TMEM30A: variants seen among roughly 807,000 people sequenced by gnomAD.
TMEM30A encodes cell cycle control protein 50A.
TMEM30A carries 24 observed loss-of-function variants against 38.2 expected under a neutral mutation model. The observed-to-expected ratio is 0.63, with a 90% CI of 0.46 to 0.88. TMEM30A has a LOEUF of 0.88. Ranked by LOEUF, TMEM30A falls within the 40% of genes least tolerant of loss-of-function variation. TMEM30A has a pLI of 0.00. For missense variants in TMEM30A, 370 were observed against 458.6 expected (o/e 0.81, Z 1.77); for synonymous variants, 145 against 161.6 (o/e 0.90, Z 0.78).
intron 1 of TMEM30A, among the ~76,000 whole-genome samples, chr6:75,274,962 G>C (rs1471178267): frequency 6.8e-6 from 1 of 147,850 alleles, no homozygotes; most frequent in Non-Finnish European, 1.5e-5. Flanking sequence ...AGTAAGCCAA[G>C]ATCGTGCCAC....
chr6:75,260,901 T>C lies in TMEM30A; in HGVS notation c.464A>G (p.Lys155Arg). The C allele has an allele frequency of 1.3e-6, 2 of 1,597,472 alleles. No homozygotes were observed. Among genetic ancestry groups the C allele is most frequent in the Non-Finnish European group, 1.7e-6 (2 of 1,176,074 alleles). ...GDSSALLNPS[K>R]ECEPYRRNED... ...ATTTCTTCGATAAGGTTCACATTCC[T>C]TACTGGGATTCTGGTTTTTACAAGG... Residue 155 changes from lysine (K) to arginine (R), a missense_variant, in exon 4 of 7, where the codon AAG becomes AGG. Coordinates refer to ENST00000230461, the MANE Select transcript of TMEM30A (RefSeq NM_018247.4).
At chr6:75,274,671 T>C (rs1483086317) in intron 1 of TMEM30A, among the ~76,000 whole-genome samples, 7 of 152,182 alleles carry the variant, frequency 4.6e-5, no homozygotes, top group Admixed American at 1.3e-4. Context: ...AAAAACCCTA[T>C]GGATGGTGAT....
At chr6:75,283,456 A>C (rs1772394462) in intron 1 of TMEM30A, among the ~76,000 whole-genome samples, 1 of 152,058 alleles carries the variant, frequency 6.6e-6, no homozygotes, top group Non-Finnish European at 1.5e-5. Context: ...AATACTGGAC[A>C]CCTATAGAGT....
chr6:75,284,037 C>G (rs1454617520), intron 1 of TMEM30A, among the ~76,000 whole-genome samples: 1 of 151,752 alleles, frequency 6.6e-6, no homozygotes, highest in African/African-American at 2.4e-5. Context: ...TGCCCCCCGC[C>G]CCCACTTCTC....
At chr6:75,262,785 G>GT (rs1771994232) in intron 3 of TMEM30A, among the ~76,000 whole-genome samples, 2 of 152,186 alleles carry the variant, frequency 1.3e-5, no homozygotes, top group Admixed American at 1.3e-4. Flanking sequence ...AACTCAAAAT[G>GT]TAACAGGGGA....
At chr6:75,262,138 G>C (rs1304158263) in intron 3 of TMEM30A, among the ~76,000 whole-genome samples, 1 of 152,058 alleles carries the variant, frequency 6.6e-6, no homozygotes, top group African/African-American at 2.4e-5. Context: ...CTTGAGTCCA[G>C]GTGTTCGAGA....
intron 1 of TMEM30A, among the ~76,000 whole-genome samples, chr6:75,268,564 T>C (rs1230648263): frequency 1.3e-5 from 2 of 152,166 alleles, no homozygotes; most frequent in South Asian, 2.1e-4. Context: ...GGTAATGTGC[T>C]CTAAGTATAC....
In TMEM30A at chr6:75,256,125, T is replaced by C. The variant is rs1476720007; in HGVS notation, c.1063A>G (p.Asn355Asp). 1.2e-6 allele frequency: 2 copies of C among 1,610,854 alleles called. No individual in the cohort carries two copies. Among genetic ancestry groups the C allele is most frequent in the South Asian group, 1.1e-5 (1 of 90,788 alleles). The part of the protein sequence containing the change: ...VINHKYRNSS[N>D]TADITI ...AATTAAATGGTAATGTCAGCTGTAT[T>C]ACTACTGTTTCTATATTTATGATTA... Residue 355 changes from asparagine to aspartate, a missense_variant, in exon 7 of 7, where the codon AAT (asparagine) becomes GAT (aspartate). Transcript: ENST00000230461.
At chr6:75,278,707 CCTAA>C (rs565992275) in intron 1 of TMEM30A, among the ~76,000 whole-genome samples, 4 of 152,192 alleles carry the variant, frequency 2.6e-5, no homozygotes, top group African/African-American at 4.8e-5. Flanking sequence ...TCAACCCACT[CCTAA>C]CTGATAGTGT....
At chr6:75,257,620 G>A (rs1218247333) in intron 6 of TMEM30A, among the ~76,000 whole-genome samples, 1 of 152,120 alleles carries the variant, frequency 6.6e-6, no homozygotes, top group African/African-American at 2.4e-5. Flanking sequence ...CTTGAAGTGG[G>A]TCTGTCTGTC....
chr6:75,282,073 T>A (rs1302777409), intron 1 of TMEM30A, among the ~76,000 whole-genome samples: 1 of 152,230 alleles, frequency 6.6e-6, no homozygotes, highest in East Asian at 1.9e-4. Flanking sequence ...AAACACATCC[T>A]GCTTTTTTAA....
intron 1 of TMEM30A, among the ~76,000 whole-genome samples, chr6:75,275,329 A>G (rs1421790437): frequency 6.6e-6 from 1 of 152,126 alleles, no homozygotes; most frequent in Non-Finnish European, 1.5e-5. Context: ...ATGCTGATTA[A>G]CCCTCAAAAT....
intron 1 of TMEM30A, chr6:75,272,340 C>G (rs959377665): frequency 1.3e-5 from 2 of 149,494 alleles, no homozygotes; most frequent in Non-Finnish European, 2.9e-5. Context: ...CTCAGGCATG[C>G]CTGGACAAGC....
intron 3 of TMEM30A, among the ~76,000 whole-genome samples, chr6:75,264,239 C>T (rs751312917): frequency 1.3e-5 from 2 of 152,212 alleles, no homozygotes; most frequent in Non-Finnish European, 2.9e-5. Flanking sequence ...GCCCATGCTG[C>T]TCACAACATA....
chr6:75,263,391 A>T (rs951613340), intron 3 of TMEM30A, among the ~76,000 whole-genome samples: 6 of 152,336 alleles, frequency 3.9e-5, no homozygotes, highest in African/African-American at 1.4e-4. Flanking sequence ...TATACTTTTT[A>T]AAAACTTCAC....
chr6:75,281,559 C>CT (rs1044335796), intron 1 of TMEM30A, among the ~76,000 whole-genome samples: 3 of 151,844 alleles, frequency 2.0e-5, no homozygotes, highest in Non-Finnish European at 4.4e-5. Context: ...GTGAAAATAT[C>CT]TTTTTTTTCC....
intron 6 of TMEM30A, chr6:75,256,745 G>A: frequency 2.1e-6 from 1 of 485,096 alleles, no homozygotes; most frequent in Non-Finnish European, 4.1e-6. Context: ...ATGAGACTAT[G>A]AAAAGGCTCT....
rs1214294370 is a variant in TMEM30A at position 75,271,768 on chromosome 6, AT to A, written c.238-4021del. ...AGCCTCATGTTTCTTCTACTAAACCATTTTTTCCCCCAAAATAGTCAGTCCC... is the reference window on the plus strand; with the variant it reads ...AGCCTCATGTTTCTTCTACTAAACCATTTTTCCCCCAAAATAGTCAGTCCC... On this transcript the variant is annotated intron_variant, in intron 1 of 6. Coordinates refer to ENST00000230461, the MANE Select transcript of TMEM30A (RefSeq NM_018247.4). Among the ~76,000 whole-genome samples, 8 of 152,146 alleles carry A rather than the reference AT, an allele frequency of 5.3e-5. No individual in the cohort carries two copies. The East Asian group carries it at 9.6e-4, about 18-fold the overall frequency.
intron 1 of TMEM30A, among the ~76,000 whole-genome samples, chr6:75,277,340 T>G (rs1562398795): frequency 6.6e-6 from 1 of 150,756 alleles, no homozygotes; most frequent in Non-Finnish European, 1.5e-5. Flanking sequence ...GAGAGAATAA[T>G]GTTACCCTTG....
Sources: gnomAD v4.1 joint callset for allele counts (sites outside exome capture counted in the v4.1 genomes callset) on GRCh38, gnomAD v4.1.1 for gene constraint, MANE v1.5 for transcripts, NCBI Gene and HGNC (gene_info 2026-07-23, HGNC 2026-07-21) for gene names.